The following CELF2 variants were observed in gnomAD, a reference collection of about 807,000 sequenced individuals.
CELF2 encodes the protein CUGBP Elav-like family member 2.
A neutral mutation model predicts 62.6 loss-of-function variants in CELF2; 8 were observed. The ratio of observed to expected loss-of-function variants is 0.13; its 90% CI spans 0.07 to 0.23. CELF2 has a LOEUF of 0.23. Ranked by LOEUF, CELF2 falls within the 10% of genes least tolerant of loss-of-function variation. The pLI is 1.00. For missense variants in CELF2, 333 were observed against 671.0 expected, an observed-to-expected ratio of 0.50 and a Z score of 5.56; for synonymous variants, 258 against 250.0, an observed-to-expected ratio of 1.03 and a Z score of -0.30.
upstream of CELF2, chr10:11,017,821 G>C (rs564730378): frequency 2.9e-4 from 116 of 398,904 alleles, no homozygotes; most frequent in South Asian, 5.3e-3. This position sits in a 1 kb window ranked among gnomAD's most constrained non-coding sequence, Gnocchi z 5.5. Context: ...GCCGCGCTCT[G>C]GGCCGGCGGG....
chr10:10,939,805 T>A (rs1277965393), intron 2 of CELF2, among the ~76,000 whole-genome samples: 1 of 151,672 alleles, frequency 6.6e-6, no homozygotes, highest in African/African-American at 2.4e-5. Context: ...ATACAAAAAA[T>A]TAGCCGGGCT....
the CELF2 span, among the ~76,000 whole-genome samples, chr10:10,654,053 A>G: frequency 2.0e-5 from 3 of 149,950 alleles, no homozygotes; most frequent in Non-Finnish European, 3.0e-5. Context: ...CTGATCCCAC[A>G]GAAATACAAA....
upstream of CELF2, among the ~76,000 whole-genome samples, chr10:11,004,140 T>C (rs1383476412): frequency 6.6e-6 from 1 of 152,194 alleles, no homozygotes; most frequent in Admixed American, 6.5e-5. This position sits in a 1 kb window ranked among gnomAD's most constrained non-coding sequence, Gnocchi z 5.0. Flanking sequence ...GATCTTCAAA[T>C]AGGTGGGGAA....
the CELF2 span, among the ~76,000 whole-genome samples, chr10:10,593,504 G>A: frequency 6.6e-6 from 1 of 152,130 alleles, no homozygotes; most frequent in African/African-American, 2.4e-5. Context: ...ACTTCCAAAT[G>A]TCCCATTAGC....
chr10:11,134,383 C>T (rs1466518918), intron 1 of CELF2, among the ~76,000 whole-genome samples: 2 of 152,222 alleles, frequency 1.3e-5, no homozygotes, highest in East Asian at 3.8e-4. Flanking sequence ...AGTGTGGCCT[C>T]AGAAGACTCA....
At chr10:11,245,280 A>G (rs972390246) in intron 3 of CELF2, among the ~76,000 whole-genome samples, 4 of 152,142 alleles carry the variant, frequency 2.6e-5, no homozygotes, top group South Asian at 2.1e-4. Context: ...TATTATGACA[A>G]TGACTCCTCC....
intron 2 of CELF2, among the ~76,000 whole-genome samples, chr10:10,921,302 T>G (rs375548520): frequency 1.3e-5 from 2 of 149,134 alleles, no homozygotes; most frequent in African/African-American, 2.5e-5. Context: ...TGGAGTCTCC[T>G]TCTGTCGCCC....
chr10:10,877,687 T>G (rs1271518992), intron 1 of CELF2, among the ~76,000 whole-genome samples: 1 of 152,212 alleles, frequency 6.6e-6, no homozygotes, highest in South Asian at 2.1e-4. Context: ...AACCTGAAAT[T>G]TAGAGAAAGA....
intron 1 of CELF2, among the ~76,000 whole-genome samples, chr10:10,843,570 G>A (rs1464234547): frequency 6.6e-6 from 1 of 151,948 alleles, no homozygotes; most frequent in African/African-American, 2.4e-5. Context: ...TTTTTGAGGT[G>A]TGTTTTATGG....
chr10:10,872,488 G>T (rs2060813127), intron 1 of CELF2, among the ~76,000 whole-genome samples: 1 of 152,092 alleles, frequency 6.6e-6, no homozygotes, highest in African/African-American at 2.4e-5. Flanking sequence ...GAATGATGAT[G>T]TTGCCTGATT....
At chr10:11,147,630 G>A (rs2062523114) in intron 1 of CELF2, among the ~76,000 whole-genome samples, 1 of 152,114 alleles carries the variant, frequency 6.6e-6, no homozygotes, top group Non-Finnish European at 1.5e-5. Flanking sequence ...AAAGTGATTT[G>A]GTTCAGCGTT....
chr10:11,262,961 T>TTTTTTTTTTTTTTC, intron 5 of CELF2, among the ~76,000 whole-genome samples: 1 of 142,480 alleles, frequency 7.0e-6, no homozygotes, highest in Non-Finnish European at 1.5e-5. Context: ...TTTTTTTTTT[T>TTTTTTTTTTTTTTC]TTTTTTGGTG....
intron 1 of CELF2, among the ~76,000 whole-genome samples, chr10:11,068,572 T>A (rs1019704283): frequency 1.3e-5 from 2 of 152,090 alleles, no homozygotes; most frequent in African/African-American, 4.8e-5. Flanking sequence ...TTTCTGTTTT[T>A]TTTTTTGAGA....
At chr10:10,737,104 T>A in the CELF2 span, among the ~76,000 whole-genome samples, 1 of 152,188 alleles carries the variant, frequency 6.6e-6, no homozygotes, top group African/African-American at 2.4e-5. Context: ...TCCTAATCAA[T>A]GGCAAGAGGA....
At chr10:10,473,512 C>A in the CELF2 span, among the ~76,000 whole-genome samples, 4 of 151,970 alleles carry the variant, frequency 2.6e-5, no homozygotes, top group African/African-American at 9.7e-5. Flanking sequence ...GTTACATATA[C>A]CCTTAGCAAG....
the CELF2 span, among the ~76,000 whole-genome samples, chr10:10,571,423 G>A: frequency 0.027 from 4,059 of 152,176 alleles, 174 homozygotes; most frequent in African/African-American, 0.092. Flanking sequence ...GCATCCAATC[G>A]CCCAAATAAT....
intron 2 of CELF2, among the ~76,000 whole-genome samples, chr10:11,168,604 T>A (rs916670442): frequency 6.6e-6 from 1 of 152,216 alleles, no homozygotes; most frequent in African/African-American, 2.4e-5. Context: ...GAAACTAGAA[T>A]TACTGGAGGT....
rs913881525 is a variant in CELF2 at position 10,874,148 on chromosome 10, C to CA, written c.54-45807dup. ...GCAACGTAGCAAGACCCTGCCTCTC[C>CA]AAAAAAAAATGTTTTTGTAAATTAG... On this transcript the variant is annotated intron_variant, in intron 1 of 13. Coordinates refer to the CELF2 transcript ENST00000636488. Among the ~76,000 whole-genome samples the CA allele has an allele frequency of 4.7e-5, 7 of 150,456 alleles. No individual in the cohort carries two copies. The South Asian group carries it at 6.3e-4, about 14-fold the overall frequency.
the CELF2 span, among the ~76,000 whole-genome samples, chr10:10,730,941 ATAACCTATTG>A: frequency 6.6e-6 from 1 of 152,304 alleles, no homozygotes; most frequent in South Asian, 2.1e-4. Flanking sequence ...TGAGACAGAA[ATAACCTATTG>A]TTGTTTGAAG....
Sources: allele counts gnomAD v4.1 joint callset (sites outside exome capture counted in the v4.1 genomes callset), GRCh38; gene constraint gnomAD v4.1.1; non-coding constraint Gnocchi (gnomAD v3.1); transcripts MANE v1.5; gene names NCBI Gene and HGNC (gene_info 2026-07-23, HGNC 2026-07-21).